SLC4A10: variants seen among roughly 807,000 people sequenced by gnomAD.
SLC4A10 encodes the protein sodium-driven chloride bicarbonate exchanger.
A neutral mutation model predicts 137.7 loss-of-function variants in SLC4A10; 42 were observed. The observed-to-expected ratio is 0.30, with a 90% CI of 0.24 to 0.39. The LOEUF (loss-of-function observed/expected upper bound fraction) is 0.39, where lower values mean the gene tolerates loss of function less well. SLC4A10 is among the 10% of genes least tolerant of loss of function. The pLI is 1.00. For synonymous variants in SLC4A10, 474 were observed against 464.1 expected (o/e 1.02, Z -0.27); for missense variants, 925 against 1,355.0 (o/e 0.68, Z 4.98).
At chr2:161,969,971 C>T (rs1392250630) in intron 23 of SLC4A10, among the ~76,000 whole-genome samples, 1 of 152,148 alleles carries the variant, frequency 6.6e-6, no homozygotes, top group Non-Finnish European at 1.5e-5. Context: ...GGTTCCAGAA[C>T]CACTGCCACA....
At chr2:161,928,263 A>G (rs1315978249) in intron 15 of SLC4A10, among the ~76,000 whole-genome samples, 5 of 150,202 alleles carry the variant, frequency 3.3e-5, no homozygotes, top group Non-Finnish European at 7.4e-5. Context: ...TCAGTAAACT[A>G]TCGCAAGAAC....
Position 161,683,895 on chromosome 2 carries a change from A to G in SLC4A10, c.48+59329A>G, listed in dbSNP as rs929173186. 5.9e-5 allele frequency among the ~76,000 whole-genome samples: 9 copies of G among 152,128 alleles called. 1 individual carries two copies. The highest frequency in any genetic ancestry group is 1.7e-4 in the African/African-American group (7 of 41,424). ...TGTGGTAAAATGTACATTTGCTAAGATTTACCATTATAAACATTTTTGAAT... is the reference window on the plus strand; with the variant it reads ...TGTGGTAAAATGTACATTTGCTAAGGTTTACCATTATAAACATTTTTGAAT... On this transcript the variant is annotated intron_variant, in intron 1 of 26. Transcript: ENST00000446997.
In SLC4A10 at chr2:161,840,783, A is replaced by T. The variant is rs138680629; in HGVS notation, c.416+856A>T. Reference sequence around the variant, plus strand: ...TTCACAAATTTTAATGTGACTACCAATCACCTGGAATATTGTTTAAAATGT... The same window carrying T: ...TTCACAAATTTTAATGTGACTACCATTCACCTGGAATATTGTTTAAAATGT... On this transcript the variant is annotated intron_variant, in intron 4 of 26. Transcript: ENST00000446997. Among the ~76,000 whole-genome samples the T allele has an allele frequency of 2.0e-5, 3 of 152,352 alleles. No individual in the cohort carries two copies. In the East Asian group the frequency reaches 5.8e-4, roughly 29 times the overall value.
intron 1 of SLC4A10, among the ~76,000 whole-genome samples, chr2:161,751,599 A>G (rs2048986557): frequency 6.6e-6 from 1 of 151,712 alleles, no homozygotes; most frequent in African/African-American, 2.4e-5. Context: ...ATAGATATTT[A>G]TTGAGTATAT....
At chr2:161,747,385 A>C (rs1256797448) in intron 1 of SLC4A10, among the ~76,000 whole-genome samples, 3 of 151,934 alleles carry the variant, frequency 2.0e-5, no homozygotes, top group Non-Finnish European at 4.4e-5. Context: ...TTCCTCCTCT[A>C]AGCATATAGT....
intron 23 of SLC4A10, among the ~76,000 whole-genome samples, chr2:161,971,393 T>C (rs1366305217): frequency 6.6e-6 from 1 of 152,210 alleles, no homozygotes; most frequent in Admixed American, 6.5e-5. Context: ...ATCAGTGAAC[T>C]CTCTCAAAGG....
At chr2:161,745,912 A>T (rs966079850) in intron 1 of SLC4A10, among the ~76,000 whole-genome samples, 38 of 152,060 alleles carry the variant, frequency 2.5e-4, no homozygotes, top group Non-Finnish European at 1.5e-5. Flanking sequence ...CTCTTCCCTT[A>T]CTTTCCCACA....
intron 17 of SLC4A10, 125 bp from the exon 18 acceptor site, chr2:161,949,023 C>T (rs1039808778): frequency 1.7e-6 from 1 of 576,770 alleles, no homozygotes; most frequent in African/African-American, 1.9e-5. Context: ...TTATAGTATG[C>T]ATAAAATATA....
At chr2:161,625,768 G>C (rs1033369081) in intron 1 of SLC4A10, among the ~76,000 whole-genome samples, 1 of 152,054 alleles carries the variant, frequency 6.6e-6, no homozygotes, top group Non-Finnish European at 1.5e-5. Context: ...AGCATGCCCA[G>C]TTCTCCTGCG....
intron 19 of SLC4A10, among the ~76,000 whole-genome samples, chr2:161,954,899 C>T (rs1218658894): frequency 6.6e-6 from 1 of 152,118 alleles, no homozygotes; most frequent in Admixed American, 6.5e-5. Flanking sequence ...AAATCACTAT[C>T]GCGACAAAGA....
intron 15 of SLC4A10, among the ~76,000 whole-genome samples, chr2:161,911,827 A>C (rs959932906): frequency 2.6e-5 from 4 of 152,122 alleles, no homozygotes; most frequent in Non-Finnish European, 1.5e-5. Flanking sequence ...TTCCCCCCTA[A>C]AAAGCTAGAT....
intron 2 of SLC4A10, among the ~76,000 whole-genome samples, chr2:161,786,416 G>A (rs1304835429): frequency 6.6e-6 from 1 of 151,578 alleles, no homozygotes; most frequent in African/African-American, 2.4e-5. Flanking sequence ...TCTGTTCAAA[G>A]TTAATATTGA....
chr2:161,732,347 G>A (rs2046906574), intron 1 of SLC4A10, among the ~76,000 whole-genome samples: 1 of 152,158 alleles, frequency 6.6e-6, no homozygotes, highest in Non-Finnish European at 1.5e-5. Context: ...TAGCTCATTA[G>A]CATACAAAAA....
intron 3 of SLC4A10, among the ~76,000 whole-genome samples, chr2:161,828,767 C>CATATATATGTAT (rs2058201705): frequency 2.4e-5 from 1 of 42,076 alleles, no homozygotes; most frequent in East Asian, 1.0e-3. Context: ...AATTCTAATT[C>CATATATATGTAT]ATATATATAT....
rs570769992 is a variant in SLC4A10, at chr2:161,894,314, C to T, written c.1195-365C>T. 7.9e-5 allele frequency among the ~76,000 whole-genome samples: 12 copies of T among 152,184 alleles called. No homozygotes were observed. In the East Asian group the frequency reaches 2.1e-3, roughly 27 times the overall value. ...ATAAATACTGCTGAAATTTCCAACA[C>T]ATTTTACAAATTTTTATTTCTATTT... is the stretch of plus-strand genomic sequence containing the variant. On this transcript the variant is annotated intron_variant, in intron 10 of 26. Coordinates refer to ENST00000446997, the MANE Select transcript of SLC4A10 (RefSeq NM_001178015.2).
intron 3 of SLC4A10, among the ~76,000 whole-genome samples, chr2:161,837,172 A>G (rs931115041): frequency 6.6e-6 from 1 of 152,214 alleles, no homozygotes; most frequent in Non-Finnish European, 1.5e-5. Flanking sequence ...AAAATGGTTC[A>G]TATTCACATA....
At chr2:161,680,708 G>A (rs561175284) in intron 1 of SLC4A10, among the ~76,000 whole-genome samples, 3 of 152,104 alleles carry the variant, frequency 2.0e-5, no homozygotes, top group South Asian at 4.2e-4. Context: ...GCTTTAAGGT[G>A]TAATTTACAA....
chr2:161,629,325 CTT>C (rs1233795223), intron 1 of SLC4A10, among the ~76,000 whole-genome samples: 8 of 137,146 alleles, frequency 5.8e-5, no homozygotes, highest in Non-Finnish European at 6.4e-5. Context: ...GGGTGTACTA[CTT>C]TTTTTTTTTT....
intron 22 of SLC4A10, 47 bp from the exon 23 acceptor site, chr2:161,965,004 C>G (rs916997469): frequency 1.7e-5 from 27 of 1,570,044 alleles, no homozygotes; most frequent in Non-Finnish European, 2.2e-5. Flanking sequence ...CTACACCTCT[C>G]GTTTTAATTT....
Sources: gnomAD v4.1 joint callset for allele counts (sites outside exome capture counted in the v4.1 genomes callset) on GRCh38, gnomAD v4.1.1 for gene constraint, MANE v1.5 for transcripts, NCBI Gene and HGNC (gene_info 2026-07-23, HGNC 2026-07-21) for gene names.